The following F13A1 variants were observed in gnomAD, a reference collection of about 807,000 sequenced individuals.
The protein encoded by F13A1 is coagulation factor XIII A chain.
In F13A1, 47 loss-of-function variants were observed where a neutral mutation model predicts 80.1. The ratio of observed to expected loss-of-function variants is 0.59; its 90% CI spans 0.46 to 0.75. F13A1 has a LOEUF of 0.75. Among genes scored for constraint, F13A1 ranks in the 30% least tolerant of loss-of-function variants. The pLI is 0.00. For synonymous variants in F13A1, 349 were observed against 344.9 expected (o/e 1.01, Z -0.13); for missense variants, 817 against 930.4 (o/e 0.88, Z 1.59).
chr6:6,183,931 G>A (rs1277315886), intron 10 of F13A1, among the ~76,000 whole-genome samples: 4 of 152,214 alleles, frequency 2.6e-5, no homozygotes, highest in Non-Finnish European at 5.9e-5. Context: ...AACATGACTT[G>A]TAAATTTCAA....
At chr6:6,262,674 T>C (rs1399672331) in intron 4 of F13A1, among the ~76,000 whole-genome samples, 15 of 151,812 alleles carry the variant, frequency 9.9e-5, no homozygotes, top group Non-Finnish European at 4.4e-5. Flanking sequence ...TTGCTGCTGC[T>C]TCTCAACACA....
At chr6:6,283,524 G>A (rs1583110056) in intron 3 of F13A1, among the ~76,000 whole-genome samples, 1 of 151,996 alleles carries the variant, frequency 6.6e-6, no homozygotes, top group African/African-American at 2.4e-5. Context: ...CTCTAATAAC[G>A]GTTCTGGGAA....
In F13A1 at chr6:6,250,707, A is replaced by G; in HGVS notation, c.690+104T>C. On this transcript the variant is annotated intron_variant, in intron 5 of 14. Transcript: ENST00000264870. This position sits in a 1 kb window ranked among gnomAD's most constrained non-coding sequence, Gnocchi z 4.2. ...AGTCTCAGATCCTAAAAAGCAGGAA[A>G]TTGTGCTTGTCTAATATCGATATAT... 4 of 807,946 alleles carry G rather than the reference A, an allele frequency of 5.0e-6. No individual in the cohort carries two copies. In the South Asian group the frequency reaches 5.5e-5, roughly 11 times the overall value. The allele number at this position is 807,946 out of a possible 1,614,324, so 50.0% of individuals were successfully genotyped here.
At chr6:6,176,312 T>C (rs954625721) in intron 11 of F13A1, among the ~76,000 whole-genome samples, 1 of 152,262 alleles carries the variant, frequency 6.6e-6, no homozygotes, top group Non-Finnish European at 1.5e-5. Flanking sequence ...GGGCTAGCTC[T>C]GTGCCAAGCA....
intron 13 of F13A1, among the ~76,000 whole-genome samples, chr6:6,164,462 CT>C (rs895422487): frequency 2.6e-5 from 4 of 151,764 alleles, no homozygotes; most frequent in African/African-American, 9.7e-5. Flanking sequence ...CATAACAAAC[CT>C]TCATATGTAC....
chr6:6,161,478 A>G (rs958036805), intron 13 of F13A1, among the ~76,000 whole-genome samples: 1 of 151,290 alleles, frequency 6.6e-6, no homozygotes, highest in African/African-American at 2.4e-5. Context: ...CAGTATAATC[A>G]TAGTGTATTC....
rs1760843813 is a variant in F13A1, at chr6:6,174,599, CACGTCGA to C, written c.1721_1727del (p.Phe574Ter). ...GCTTACAGGACAAGGGCTCCAGCGT[CACGTCGA>C]ACGTCTCCTTCTTGAATTCTGCCTT... On this transcript the variant is annotated frameshift_variant, in exon 12 of 15. Transcript: ENST00000264870. LOFTEE classifies it high-confidence loss of function. The C allele has an allele frequency of 6.2e-7, 1 of 1,614,050 alleles. No individual in the cohort carries two copies. Among genetic ancestry groups the C allele is most frequent in the Non-Finnish European group, 8.5e-7 (1 of 1,180,048 alleles).
chr6:6,253,740 T>A (rs1757667328), intron 4 of F13A1, among the ~76,000 whole-genome samples: 1 of 152,226 alleles, frequency 6.6e-6, no homozygotes, highest in Non-Finnish European at 1.5e-5. Context: ...AAAACTGACA[T>A]TAGCACAGTA....
chr6:6,163,366 C>T (rs2151071588), intron 13 of F13A1, among the ~76,000 whole-genome samples: 1 of 152,284 alleles, frequency 6.6e-6, no homozygotes, highest in African/African-American at 2.4e-5. Context: ...TTCAGGGGTA[C>T]ATGTGCAGGT....
intron 6 of F13A1, among the ~76,000 whole-genome samples, chr6:6,228,183 C>T (rs1196332527): frequency 6.6e-6 from 1 of 152,060 alleles, no homozygotes; most frequent in Non-Finnish European, 1.5e-5. Context: ...GTACAGGAGG[C>T]ATTATTCAAC....
At chr6:6,202,987 A>G (rs913190904) in intron 8 of F13A1, among the ~76,000 whole-genome samples, 1 of 152,220 alleles carries the variant, frequency 6.6e-6, no homozygotes, top group Non-Finnish European at 1.5e-5. Context: ...TTGAATTTGT[A>G]CACGGGAAAT....
chr6:6,160,538 T>C (rs1760556137), intron 13 of F13A1, among the ~76,000 whole-genome samples: 2 of 152,154 alleles, frequency 1.3e-5, no homozygotes, highest in East Asian at 2.0e-4. Flanking sequence ...GGTTTCACCA[T>C]GTTGGTCAGG....
intron 1 of F13A1, among the ~76,000 whole-genome samples, chr6:6,320,163 G>A (rs1758754136): frequency 1.3e-5 from 2 of 152,100 alleles, no homozygotes; most frequent in African/African-American, 4.8e-5. Flanking sequence ...CAGGCGATGC[G>A]CAGGAGTGGG....
At chr6:6,160,805 C>T (rs962127037) in intron 13 of F13A1, among the ~76,000 whole-genome samples, 4 of 150,524 alleles carry the variant, frequency 2.7e-5, no homozygotes, top group Admixed American at 6.6e-5. Flanking sequence ...AGAGCAAACG[C>T]TTACTTTTAA....
intron 13 of F13A1, 88 bp downstream of exon 13, chr6:6,167,370 A>C: frequency 7.6e-7 from 1 of 1,322,744 alleles, no homozygotes; most frequent in Non-Finnish European, 1.1e-6. Flanking sequence ...ATTCACACAC[A>C]CACACACATA....
intron 2 of F13A1, among the ~76,000 whole-genome samples, chr6:6,309,848 A>G (rs1458311876): frequency 4.6e-5 from 7 of 151,950 alleles, no homozygotes; most frequent in East Asian, 1.9e-4. Context: ...CTCCTCTGGT[A>G]CTCCTGGATT....
intron 3 of F13A1, among the ~76,000 whole-genome samples, chr6:6,281,993 C>CAAAAAAAA (rs10584369): frequency 2.8e-4 from 26 of 93,396 alleles, no homozygotes; most frequent in Non-Finnish European, 4.6e-4. Context: ...GACTCCGTCT[C>CAAAAAAAA]AAAAAAAAAA....
intron 6 of F13A1, among the ~76,000 whole-genome samples, chr6:6,237,350 T>C (rs1265043300): frequency 3.9e-5 from 6 of 152,148 alleles, no homozygotes; most frequent in Admixed American, 3.9e-4. Context: ...GCAGCAATTC[T>C]ATTTCTTCCC....
intron 12 of F13A1, 70 bp from the exon 13 acceptor site, chr6:6,167,688 G>A: frequency 1.9e-6 from 3 of 1,561,438 alleles, no homozygotes; most frequent in South Asian, 2.3e-5. Flanking sequence ...TTTTCTCCAA[G>A]TTTCCCTACC....
Sources: gnomAD v4.1 joint callset for allele counts (sites outside exome capture counted in the v4.1 genomes callset) on GRCh38, gnomAD v4.1.1 for gene constraint, Gnocchi (gnomAD v3.1) non-coding constraint, MANE v1.5 for transcripts, NCBI Gene and HGNC (gene_info 2026-07-23, HGNC 2026-07-21) for gene names.